The following ABHD17B variants were observed in gnomAD, a reference collection of about 807,000 sequenced individuals.
The protein encoded by ABHD17B is abhydrolase domain containing 17B, depalmitoylase.
In ABHD17B, 9 loss-of-function variants were observed where a neutral mutation model predicts 26.2. The ratio of observed to expected loss-of-function variants is 0.34; its 90% CI spans 0.21 to 0.60. ABHD17B has a LOEUF of 0.60. ABHD17B is among the 20% of genes least tolerant of loss of function. ABHD17B has a pLI of 0.80. For missense variants in ABHD17B, 224 were observed against 352.1 expected (o/e 0.64, Z 2.91); for synonymous variants, 127 against 122.3 (o/e 1.04, Z -0.25).
At chr9:71,891,197 T>C (rs973156047) in intron 1 of ABHD17B, among the ~76,000 whole-genome samples, 2 of 152,230 alleles carry the variant, frequency 1.3e-5, no homozygotes, top group African/African-American at 2.4e-5. Flanking sequence ...GTAATAAAAG[T>C]GTCTACCAAT....
chr9:71,899,568 T>G (rs1827071535), intron 1 of ABHD17B, among the ~76,000 whole-genome samples: 1 of 152,208 alleles, frequency 6.6e-6, no homozygotes, highest in African/African-American at 2.4e-5. Flanking sequence ...AATATATCTT[T>G]GACAACATTA....
chr9:71,885,245 G>C (rs1389247226), intron 1 of ABHD17B, among the ~76,000 whole-genome samples: 2 of 151,914 alleles, frequency 1.3e-5, no homozygotes, highest in African/African-American at 4.8e-5. Context: ...AGGAGTTCGA[G>C]ACCAGCCTGG....
chr9:71,888,161 G>A (rs979781444), intron 1 of ABHD17B, among the ~76,000 whole-genome samples: 2 of 152,234 alleles, frequency 1.3e-5, no homozygotes, highest in African/African-American at 4.8e-5. Flanking sequence ...AAGTCTTACT[G>A]ATGGAGCAGT....
At chr9:71,886,343 T>G (rs755163006) in intron 1 of ABHD17B, among the ~76,000 whole-genome samples, 22 of 151,636 alleles carry the variant, frequency 1.5e-4, no homozygotes, top group Non-Finnish European at 2.2e-4. Flanking sequence ...ATCTGAGCAC[T>G]TTGGGAGGCC....
intron 1 of ABHD17B, among the ~76,000 whole-genome samples, chr9:71,905,235 G>T (rs1234522028): frequency 2.0e-5 from 3 of 151,688 alleles, no homozygotes; most frequent in Non-Finnish European, 4.4e-5. Flanking sequence ...CGATTCTCCT[G>T]TCTCAGCCTC....
chr9:71,867,102 A>T (rs1246424454), intron 3 of ABHD17B, 96 bp from the exon 4 acceptor site: 1 of 1,409,336 alleles, frequency 7.1e-7, no homozygotes, highest in East Asian at 2.5e-5. Flanking sequence ...AAATATGAGA[A>T]TTGTATGAAT....
intron 1 of ABHD17B, among the ~76,000 whole-genome samples, chr9:71,909,698 A>G (rs1827388142): frequency 6.6e-6 from 1 of 152,212 alleles, no homozygotes; most frequent in Admixed American, 6.5e-5. Context: ...TATATCACAA[A>G]AAGTATTAAA....
In ABHD17B at chr9:71,866,218, G is replaced by A. The variant is rs1825951918; in HGVS notation, c.*569C>T. On this transcript the variant is annotated 3_prime_UTR_variant, in exon 4 of 4. Coordinates refer to ENST00000333421, the MANE Select transcript of ABHD17B (RefSeq NM_001025780.3). ...TTTACATCTTTTTTAAAGGATAAAT[G>A]TATGTAATCAGAGTATACAGAAAAT... The A allele has an allele frequency of 1.3e-5, 13 of 979,468 alleles. No homozygotes were observed. The highest frequency in any genetic ancestry group is 1.6e-5 in the Non-Finnish European group (13 of 824,256). 60.7% of individuals were successfully genotyped at this position (979,468 alleles called of 1,614,324 possible).
At chr9:71,875,311 C>T (rs1339011623) in intron 1 of ABHD17B, among the ~76,000 whole-genome samples, 3 of 151,442 alleles carry the variant, frequency 2.0e-5, no homozygotes, top group South Asian at 2.1e-4. Context: ...TCATAACCTA[C>T]GCCTCCCGGG....
intron 1 of ABHD17B, among the ~76,000 whole-genome samples, chr9:71,894,372 G>T (rs972530936): frequency 6.6e-6 from 1 of 152,060 alleles, no homozygotes; most frequent in Admixed American, 6.6e-5. Flanking sequence ...TAAAGATGGT[G>T]TCTCAGTCTG....
chr9:71,886,787 CTT>C (rs1826624022), intron 1 of ABHD17B, among the ~76,000 whole-genome samples: 1 of 152,092 alleles, frequency 6.6e-6, no homozygotes, highest in South Asian at 2.1e-4. Context: ...ATTCAGGTGA[CTT>C]TGCAGGAAAA....
At chr9:71,886,299 T>C (rs368709832) in intron 1 of ABHD17B, among the ~76,000 whole-genome samples, 3 of 151,948 alleles carry the variant, frequency 2.0e-5, no homozygotes, top group African/African-American at 7.3e-5. Context: ...AGTATCAAAG[T>C]TTCCTGGGCC....
At chr9:71,893,240 G>A (rs749494029) in intron 1 of ABHD17B, among the ~76,000 whole-genome samples, 4 of 152,180 alleles carry the variant, frequency 2.6e-5, no homozygotes, top group Admixed American at 6.6e-5. Context: ...CACCAGGTGG[G>A]TGTCCTCCCA....
chr9:71,898,677 G>A (rs1297395201), intron 1 of ABHD17B, among the ~76,000 whole-genome samples: 1 of 151,894 alleles, frequency 6.6e-6, no homozygotes, highest in Non-Finnish European at 1.5e-5. Context: ...ATGGGAAAGG[G>A]CGGGTTTAGA....
downstream of ABHD17B, among the ~76,000 whole-genome samples, chr9:71,864,712 C>T (rs1825907607): frequency 6.6e-6 from 1 of 152,100 alleles, no homozygotes; most frequent in Non-Finnish European, 1.5e-5. Flanking sequence ...CCAAAAGTAC[C>T]TTTTACCTGT....
At chr9:71,907,669 A>G (rs1361204417) in intron 1 of ABHD17B, among the ~76,000 whole-genome samples, 2 of 151,924 alleles carry the variant, frequency 1.3e-5, no homozygotes, top group Admixed American at 1.3e-4. Flanking sequence ...GCACCACCAC[A>G]CCCGGCTAAT....
chr9:71,909,631 A>C (rs886824252), intron 1 of ABHD17B, among the ~76,000 whole-genome samples: 3 of 152,240 alleles, frequency 2.0e-5, no homozygotes, highest in Admixed American at 6.5e-5. Context: ...AAGATCTCCA[A>C]AGATTTATTA....
downstream of ABHD17B, among the ~76,000 whole-genome samples, chr9:71,862,881 C>T (rs1420712649): frequency 6.6e-6 from 1 of 151,964 alleles, no homozygotes; most frequent in East Asian, 1.9e-4. Context: ...TCGAGTGGTC[C>T]TCCCACCTCA....
rs191909808 is a variant in ABHD17B, at chr9:71,865,322, T to A, written c.*1465A>T. On this transcript the variant is annotated 3_prime_UTR_variant, in exon 4 of 4. Transcript: ENST00000333421. ...CTTAAAATATATCCACAGTGTGTATTATTTCCATATTCATTCATTTACAAA... is the reference window on the plus strand; with the variant it reads ...CTTAAAATATATCCACAGTGTGTATAATTTCCATATTCATTCATTTACAAA... 79 of 985,144 alleles carry A rather than the reference T, an allele frequency of 8.0e-5. No individual in the cohort carries two copies. In the Admixed American group the frequency reaches 3.9e-3, roughly 48 times the overall value. The allele number at this position is 985,144 out of a possible 1,614,324, so 61.0% of individuals were successfully genotyped here.
Sources: gnomAD v4.1 joint callset for allele counts (sites outside exome capture counted in the v4.1 genomes callset) on GRCh38, gnomAD v4.1.1 for gene constraint, MANE v1.5 for transcripts, NCBI Gene and HGNC (gene_info 2026-07-23, HGNC 2026-07-21) for gene names.